KHNYN: variants seen among roughly 807,000 people sequenced by gnomAD.
KHNYN encodes protein KHNYN.
Under a neutral mutation model 62.7 loss-of-function variants are expected in KHNYN, and 42 were observed. That is an observed-to-expected ratio of 0.67 (90% CI 0.52 to 0.87). KHNYN has a LOEUF of 0.87. KHNYN is among the 40% of genes least tolerant of loss of function. The pLI is 0.00. For synonymous variants in KHNYN, 347 were observed against 345.6 expected (o/e 1.00, Z -0.04); for missense variants, 829 against 874.1 (o/e 0.95, Z 0.65).
In KHNYN at chr14:24,433,011, G is replaced by A. The variant is rs201732690; in HGVS notation, c.1556G>A (p.Arg519Lys). 7 of 1,614,138 alleles carry A rather than the reference G, an allele frequency of 4.3e-6. No homozygotes were observed. Among genetic ancestry groups the A allele is most frequent in the Non-Finnish European group, 5.9e-6 (7 of 1,179,970 alleles). The change falls in exon 5 of 8, where the codon AGG (arginine) becomes AAG (lysine). Residue 519 changes from arginine (R) to lysine (K), a missense_variant. By Grantham distance (26) the Arg-to-Lys change is conservative. Around this residue, in one of 2 missense-constraint regions of KHNYN, gnomAD observed 270 missense variants for 347.1 expected, o/e 0.78. Transcript: ENST00000553935. ...LTPSRVMDGKRISSYDDRFMV... is the reference protein window; with the variant it reads ...LTPSRVMDGKKISSYDDRFMV... ...CCCTCACGAGTCATGGATGGCAAGA[G>A]GATCTCCTCCTATGATGACAGGTAC...
intron 5 of KHNYN, among the ~76,000 whole-genome samples, chr14:24,434,826 G>T (rs2043180880): frequency 6.6e-6 from 1 of 152,180 alleles, no homozygotes; most frequent in South Asian, 2.1e-4. Context: ...AATACTGACT[G>T]CTCACTTAGT....
Position 24,439,804 on chromosome 14 carries a change from G to A in KHNYN, c.*2519G>A, listed in dbSNP as rs1213755240. 6.0e-6 allele frequency: 2 copies of A among 331,928 alleles called. No homozygotes were observed. Among genetic ancestry groups the A allele is most frequent in the Non-Finnish European group, 5.5e-6 (1 of 183,184 alleles). The allele number at this position is 331,928 out of a possible 1,614,324, so 20.6% of individuals were successfully genotyped here. A position where few individuals can be genotyped will look rare whatever the true frequency, so the allele number is the denominator to read the frequency against. On this transcript the variant is annotated 3_prime_UTR_variant, in exon 8 of 8. Transcript: ENST00000553935. ...TTATTTTTATTGCCTAAACTGCAGA[G>A]CATTCTCTACACAGCGTAAAGGAGA...
At chr14:24,427,469 G>T (rs936535944), upstream of KHNYN, 17 of 317,724 alleles carry the variant, frequency 5.4e-5, no homozygotes, top group Non-Finnish European at 1.0e-4. The surrounding 1 kb of genome is among the most constrained non-coding windows in gnomAD (Gnocchi z 4.4). Context: ...TGGGGTGGGG[G>T]AACCGGAGGA....
chr14:24,428,460 G>A (rs1240772785), upstream of KHNYN: 1 of 1,603,738 alleles, frequency 6.2e-7, no homozygotes, highest in Non-Finnish European at 8.5e-7. Context: ...TGGCTCAGGG[G>A]TACCATGGGG....
At chr14:24,428,258 CG>C (rs2043043526), upstream of KHNYN, 1 of 1,611,658 alleles carries the variant, frequency 6.2e-7, no homozygotes, top group Non-Finnish European at 8.5e-7. Context: ...CCTCCTGAGC[CG>C]GGGATGGGGG....
the KHNYN span, among the ~76,000 whole-genome samples, chr14:24,423,560 G>C: frequency 2.0e-5 from 3 of 152,318 alleles, no homozygotes; most frequent in South Asian, 2.1e-4. Context: ...GCTGTCTGCC[G>C]CTGACCATGG....
At chr14:24,428,886 C>CT, upstream of KHNYN, 1 of 1,596,464 alleles carries the variant, frequency 6.3e-7, no homozygotes, top group East Asian at 2.3e-5. Flanking sequence ...CCGGGCCCCC[C>CT]TGCAGCAGCT....
At chr14:24,434,330 A>G (rs756495626) in intron 5 of KHNYN, 877 of 984,966 alleles carry the variant, frequency 8.9e-4, no homozygotes, top group Middle Eastern at 3.7e-3. Flanking sequence ...TGAACAACAT[A>G]CTGTGTAATG....
Position 24,440,898 on chromosome 14 carries a change from C to T in KHNYN, c.*3613C>T. 1 of 1,614,060 alleles carries T rather than the reference C, an allele frequency of 6.2e-7. No homozygotes were observed. Among genetic ancestry groups the T allele is most frequent in the Non-Finnish European group, 8.5e-7 (1 of 1,179,902 alleles). On this transcript the variant is annotated 3_prime_UTR_variant, in exon 8 of 8. Transcript: ENST00000553935. ...CCCCTCCTGGGCTGTCTTCATCATA[C>T]TCCGCAGTCAGACTGGGCTGGTAGT...
upstream of KHNYN, chr14:24,428,712 G>A: frequency 6.5e-7 from 1 of 1,529,632 alleles, no homozygotes; most frequent in South Asian, 1.2e-5. Context: ...CCAGGTCCTT[G>A]CAGGGTCTTT....
At chr14:24,428,641 G>A, upstream of KHNYN, 1 of 1,279,800 alleles carries the variant, frequency 7.8e-7, no homozygotes, top group South Asian at 1.4e-5. Context: ...ATTAGTGAAA[G>A]ATGTAGGAAG....
At position 24,440,181 on chromosome 14, in the gene KHNYN, G is replaced by A. The variant is rs2043279660; in HGVS notation, c.*2896G>A. ...TGTGGGATCACCTTCTGGCCCTCCA[G>A]CAGCATGATGGCACGCTGTCGCCCA... On this transcript the variant is annotated 3_prime_UTR_variant, in exon 8 of 8. Coordinates refer to ENST00000553935, the MANE Select transcript of KHNYN (RefSeq NM_015299.3). The A allele has an allele frequency of 6.2e-7, 1 of 1,613,920 alleles. No homozygotes were observed. Among genetic ancestry groups the A allele is most frequent in the Non-Finnish European group, 8.5e-7 (1 of 1,179,818 alleles).
chr14:24,433,996 A>T, intron 5 of KHNYN: 1 of 260,004 alleles, frequency 3.8e-6, no homozygotes, highest in South Asian at 1.4e-4. Context: ...TAGTGATTAT[A>T]TACTTTGTCT....
In KHNYN at chr14:24,438,898, G is replaced by T; in HGVS notation, c.*1613G>T. 1 of 152,334 alleles carries T rather than the reference G, an allele frequency of 6.6e-6. No individual in the cohort carries two copies. Among genetic ancestry groups the T allele is most frequent in the Non-Finnish European group, 1.5e-5 (1 of 68,100 alleles). 9.4% of individuals were successfully genotyped at this position (152,334 alleles called of 1,614,324 possible). ...CTCCCTCTGAGTGGCACAGGGAGTT[G>T]AATACTGCATGGCGAGTGTAATGAT... On this transcript the variant is annotated 3_prime_UTR_variant, in exon 8 of 8. Transcript: ENST00000553935.
At position 24,441,445 on chromosome 14, in the gene KHNYN, T is replaced by C. The variant is rs2043336370; in HGVS notation, c.*4160T>C. 1.9e-6 allele frequency: 1 copy of C among 515,274 alleles called. No homozygotes were observed. The highest frequency in any genetic ancestry group is 3.4e-6 in the Non-Finnish European group (1 of 295,512). 31.9% of individuals were successfully genotyped at this position (515,274 alleles called of 1,614,324 possible). A position where few individuals can be genotyped will look rare whatever the true frequency, so the allele number is the denominator to read the frequency against. ...GTGTGAGAAGTAAGGGACTTTGGGA[T>C]AGGTGGACTTTTCCCTGGCATTGAG... On this transcript the variant is annotated 3_prime_UTR_variant, in exon 8 of 8. Coordinates refer to ENST00000553935, the MANE Select transcript of KHNYN (RefSeq NM_015299.3).
rs186526733 is a variant in KHNYN, at chr14:24,431,662, G to A, written c.401G>A (p.Arg134Gln). Residue 134 changes from arginine (R) to glutamine (Q), a missense_variant, in exon 3 of 8, where the codon CGG becomes CAG. Arg to Gln is a conservative substitution (Grantham distance 43, BLOSUM62 1). Around this residue, in one of 2 missense-constraint regions of KHNYN, gnomAD observed 559 missense variants for 527.0 expected, o/e 1.06. Coordinates refer to ENST00000553935, the MANE Select transcript of KHNYN (RefSeq NM_015299.3). ...GAAGCCTTTGTCATGGCTCAGAGCC[G>A]GGTAGAAGAGCTGGCAGAGCGGCTG... ...LTEAFVMAQS[R>Q]VEELAERLSW... 6.8e-6 allele frequency: 11 copies of A among 1,614,140 alleles called. No individual in the cohort carries two copies. The highest frequency in any genetic ancestry group is 2.2e-5 in the South Asian group (2 of 91,076).
At chr14:24,429,657 T>C, upstream of KHNYN, 1 of 1,117,696 alleles carries the variant, frequency 8.9e-7, no homozygotes, top group Non-Finnish European at 1.1e-6. Flanking sequence ...AGAGCACCAG[T>C]GGGCCAGTCA....
At chr14:24,428,052 G>C (rs921039404), upstream of KHNYN, 1 of 1,518,722 alleles carries the variant, frequency 6.6e-7, no homozygotes, top group Non-Finnish European at 8.9e-7. Flanking sequence ...CACTTTCCCA[G>C]GAGCTTCCTC....
In KHNYN at chr14:24,438,783, AAAG is replaced by A. The variant is rs1430697855; in HGVS notation, c.*1502_*1504del. On this transcript the variant is annotated 3_prime_UTR_variant, in exon 8 of 8. Coordinates refer to ENST00000553935, the MANE Select transcript of KHNYN (RefSeq NM_015299.3). ...AACTTCCTGGAATCCAAGACCAGAT[AAAG>A]AAGTAGGACAGGTGCCCCTGGGTTC... 3 of 152,222 alleles carry A rather than the reference AAAG, an allele frequency of 2.0e-5. No individual in the cohort carries two copies. The highest frequency in any genetic ancestry group is 7.2e-5 in the African/African-American group (3 of 41,454). 9.4% of individuals were successfully genotyped at this position (152,222 alleles called of 1,614,324 possible).
Sources: gnomAD v4.1 joint callset for allele counts (sites outside exome capture counted in the v4.1 genomes callset) on GRCh38, gnomAD v4.1.1 for gene constraint, gnomAD v4.1.1 regional missense constraint, Gnocchi (gnomAD v3.1) non-coding constraint, MANE v1.5 for transcripts, NCBI Gene and HGNC (gene_info 2026-07-23, HGNC 2026-07-21) for gene names.